THEMIS: variants seen among roughly 807,000 people sequenced by gnomAD.
THEMIS encodes protein THEMIS.
A neutral mutation model predicts 52.6 loss-of-function variants in THEMIS; 37 were observed. That is an observed-to-expected ratio of 0.70 (90% confidence interval 0.54 to 0.93). The LOEUF is 0.93. Ranked by LOEUF, THEMIS falls within the 40% of genes least tolerant of loss-of-function variation. The pLI, the probability that THEMIS is intolerant of heterozygous loss-of-function variation, is 0.00. For synonymous variants in THEMIS, 292 were observed against 272.7 expected (o/e 1.07, Z -0.70); for missense variants, 808 against 763.1 (o/e 1.06, Z -0.69).
intron 4 of THEMIS, among the ~76,000 whole-genome samples, chr6:127,804,446 T>C (rs570570903): frequency 5.9e-5 from 9 of 152,310 alleles, no homozygotes; most frequent in African/African-American, 2.2e-4. Flanking sequence ...ATCCATCTCA[T>C]GGAGCAATGT....
intron 4 of THEMIS, chr6:127,807,400 TAAAA>T (rs1777755333): frequency 4.7e-6 from 1 of 214,912 alleles, no homozygotes; most frequent in African/African-American, 2.6e-5. Flanking sequence ...TCAAAAAAGC[TAAAA>T]TTGTATCTCA....
intron 4 of THEMIS, among the ~76,000 whole-genome samples, chr6:127,748,176 T>C (rs1408822465): frequency 2.0e-5 from 3 of 152,114 alleles, no homozygotes; most frequent in Non-Finnish European, 4.4e-5. Context: ...TTTGAGTTTA[T>C]TCACTTGAAG....
chr6:127,768,878 T>C (rs1040332611), intron 4 of THEMIS, among the ~76,000 whole-genome samples: 1 of 152,212 alleles, frequency 6.6e-6, no homozygotes, highest in African/African-American at 2.4e-5. Context: ...TTCCCTGTTC[T>C]TAGCTCTTAG....
rs760389708 is a variant in THEMIS at position 127,798,991 on chromosome 6, CAAA to C, written c.1758+13889_1758+13891del. 3.2e-4 allele frequency among the ~76,000 whole-genome samples: 23 copies of C among 71,576 alleles called. 1 individual carries two copies. The East Asian group carries it at 5.9e-3, about 18-fold the overall frequency. The allele number at this position is 71,576 out of a possible 152,430, so 47.0% of individuals were successfully genotyped here. A position where few individuals can be genotyped will look rare whatever the true frequency, so the allele number is the denominator to read the frequency against. On this transcript the variant is annotated intron_variant, in intron 4 of 5. Coordinates refer to ENST00000368248, the MANE Select transcript of THEMIS (RefSeq NM_001010923.3). ...TGGGCGACAGAGCGAGACTCCGTCT[CAAA>C]AAAAAAAAAAAAAAGAAAGAAAAAA...
Position 127,868,039 on chromosome 6 carries a change from A to G in THEMIS, c.92-12851T>C, listed in dbSNP as rs1371098628. On this transcript the variant is annotated intron_variant, in intron 1 of 5. Coordinates refer to ENST00000368248, the MANE Select transcript of THEMIS (RefSeq NM_001010923.3). ...AGTCAAGTTCAAATCCAGAATCTCC[A>G]TTTAATAGATTTGTGACCTCAGGTA... is the stretch of plus-strand genomic sequence containing the variant. Among the ~76,000 whole-genome samples, 6 of 152,120 alleles carry G rather than the reference A, an allele frequency of 3.9e-5. No individual in the cohort carries two copies. In the East Asian group the frequency reaches 1.2e-3, roughly 29 times the overall value.
In THEMIS at chr6:127,813,310, T is replaced by C; in HGVS notation, c.1331A>G (p.Tyr444Cys). ...CTGTTTACAGAGCTCAGAAATCGGG[T>C]ACTGTTTCTTATCATGAATCACCTC... ...FVEVIHDKKQ[Y>C]PISELCKQFR... The change falls in exon 4 of 6, where the codon TAC becomes TGC. Residue 444 changes from tyrosine to cysteine, a missense_variant. Coordinates refer to ENST00000368248, the MANE Select transcript of THEMIS (RefSeq NM_001010923.3). The C allele has an allele frequency of 6.2e-7, 1 of 1,614,158 alleles. No individual in the cohort carries two copies. The highest frequency in any genetic ancestry group is 8.5e-7 in the Non-Finnish European group (1 of 1,180,016).
At chr6:127,883,150 T>C (rs1780538302) in intron 1 of THEMIS, among the ~76,000 whole-genome samples, 1 of 151,998 alleles carries the variant, frequency 6.6e-6, no homozygotes, top group East Asian at 1.9e-4. Context: ...ACTAAATTTG[T>C]GTAGCCAAAA....
chr6:127,783,313 C>T (rs1221894124), intron 4 of THEMIS, among the ~76,000 whole-genome samples: 1 of 152,150 alleles, frequency 6.6e-6, no homozygotes, highest in East Asian at 1.9e-4. Context: ...CAATACCATT[C>T]AGGACATAGG....
intron 1 of THEMIS, among the ~76,000 whole-genome samples, chr6:127,858,805 G>T (rs772527347): frequency 2.0e-5 from 3 of 152,060 alleles, no homozygotes; most frequent in African/African-American, 7.2e-5. Flanking sequence ...CCAAGTCAAA[G>T]CATATGTATT....
chr6:127,770,763 T>C (rs1309000637), intron 4 of THEMIS, among the ~76,000 whole-genome samples: 1 of 152,226 alleles, frequency 6.6e-6, no homozygotes, highest in Non-Finnish European at 1.5e-5. Flanking sequence ...GTCTAACATT[T>C]AAGTCTTTAA....
At chr6:127,839,174 T>G (rs2114689400) in intron 2 of THEMIS, among the ~76,000 whole-genome samples, 1 of 152,174 alleles carries the variant, frequency 6.6e-6, no homozygotes, top group Admixed American at 6.5e-5. Flanking sequence ...ATAAATTAAT[T>G]CATATGTAAT....
chr6:127,918,442 G>A (rs1345057771), exon 1 of THEMIS: 8 of 152,100 alleles, frequency 5.3e-5, no homozygotes, highest in Admixed American at 3.3e-4. Context: ...GATCAGAGAG[G>A]CTGATGTTAA....
intron 4 of THEMIS, among the ~76,000 whole-genome samples, chr6:127,742,349 A>C (rs1052089986): frequency 2.0e-5 from 3 of 148,166 alleles, no homozygotes; most frequent in Non-Finnish European, 4.5e-5. Context: ...AACAAACAAA[A>C]AAACAAAAAA....
At chr6:127,906,756 T>G (rs1440306060) in intron 1 of THEMIS, among the ~76,000 whole-genome samples, 1 of 152,004 alleles carries the variant, frequency 6.6e-6, no homozygotes. Context: ...AGAGAAGGAC[T>G]TGGCTATGAA....
At chr6:127,918,194 A>T (rs532391768) in intron 1 of THEMIS, among the ~76,000 whole-genome samples, 1 of 152,072 alleles carries the variant, frequency 6.6e-6, no homozygotes, top group Non-Finnish European at 1.5e-5. Context: ...AAATAAACAA[A>T]CCCAGGCATA....
chr6:127,849,142 A>T (rs1285788142), intron 2 of THEMIS, among the ~76,000 whole-genome samples: 1 of 151,994 alleles, frequency 6.6e-6, no homozygotes, highest in Non-Finnish European at 1.5e-5. Flanking sequence ...CTTTCTACAT[A>T]TGGCTAGCCA....
At chr6:127,791,044 C>T (rs1484223266) in intron 4 of THEMIS, among the ~76,000 whole-genome samples, 1 of 152,212 alleles carries the variant, frequency 6.6e-6, no homozygotes, top group African/African-American at 2.4e-5. Context: ...CTCCTTCTTT[C>T]TTATCTTTTT....
intron 2 of THEMIS, among the ~76,000 whole-genome samples, chr6:127,837,893 A>T (rs950064908): frequency 2.6e-5 from 4 of 152,088 alleles, no homozygotes; most frequent in Non-Finnish European, 4.4e-5. Context: ...TTAATAGATG[A>T]ATAATATGTT....
intron 4 of THEMIS, among the ~76,000 whole-genome samples, chr6:127,772,147 T>G (rs2114442664): frequency 6.6e-6 from 1 of 152,158 alleles, no homozygotes; most frequent in African/African-American, 2.4e-5. Flanking sequence ...CTTCCATGTG[T>G]TAATTATGTG....
Sources: gnomAD v4.1 joint callset for allele counts (sites outside exome capture counted in the v4.1 genomes callset) on GRCh38, gnomAD v4.1.1 for gene constraint, MANE v1.5 for transcripts, NCBI Gene and HGNC (gene_info 2026-07-23, HGNC 2026-07-21) for gene names.